Variants in CCDC169 observed in about 807,000 individuals in gnomAD.
CCDC169 encodes coiled-coil domain-containing protein 169.
CCDC169 carries 30 observed loss-of-function variants against 36.0 expected under a neutral mutation model. The ratio of observed to expected loss-of-function variants is 0.83; its 90% CI spans 0.62 to 1.13. The LOEUF is 1.13. CCDC169 is among the 50% of genes most tolerant of loss of function. The probability of loss-of-function intolerance (pLI) is 0.00; values close to 1 mark genes in which losing one functional copy is unlikely to be tolerated. For synonymous variants in CCDC169, 85 were observed against 81.5 expected (o/e 1.04, Z -0.23); for missense variants, 245 against 245.9 (o/e 1.00, Z 0.03).
chr13:36,285,175 G>A (rs1416329758), intron 2 of CCDC169, among the ~76,000 whole-genome samples: 1 of 152,126 alleles, frequency 6.6e-6, no homozygotes, highest in Non-Finnish European at 1.5e-5. Context: ...GCACATCTGA[G>A]TACAGTTTAT....
At chr13:36,249,738 A>G (rs1872917785) in intron 6 of CCDC169, among the ~76,000 whole-genome samples, 1 of 123,100 alleles carries the variant, frequency 8.1e-6, no homozygotes, top group Non-Finnish European at 1.9e-5. Context: ...GCGAAGGGAT[A>G]TTATTAAGTA....
chr13:36,264,597 T>A (rs969801479), intron 4 of CCDC169, among the ~76,000 whole-genome samples: 9 of 152,122 alleles, frequency 5.9e-5, no homozygotes, highest in Admixed American at 5.2e-4. Context: ...ACAGAGGATG[T>A]TTTCTGTTAC....
chr13:36,265,962 C>T (rs898928969), intron 4 of CCDC169, among the ~76,000 whole-genome samples: 1 of 152,070 alleles, frequency 6.6e-6, no homozygotes, highest in Non-Finnish European at 1.5e-5. Context: ...TAGTTATTTC[C>T]GTTTCCTCAG....
intron 1 of CCDC169, 64 bp downstream of exon 1, chr13:36,297,573 A>T: frequency 6.8e-7 from 1 of 1,478,468 alleles, no homozygotes; most frequent in Non-Finnish European, 9.2e-7. Context: ...CAGCCCTGAG[A>T]CTCTGCAGGT....
At chr13:36,235,831 AAATCAACTGT>A (rs1658850593) in intron 7 of CCDC169, among the ~76,000 whole-genome samples, 1 of 144,976 alleles carries the variant, frequency 6.9e-6, no homozygotes, top group Non-Finnish European at 1.6e-5. Context: ...CAATATGCAA[AAATCAACTGT>A]ATTTCTAGAC....
chr13:36,232,645 AAAAG>A (rs1870562093), intron 7 of CCDC169, among the ~76,000 whole-genome samples: 1 of 59,802 alleles, frequency 1.7e-5, no homozygotes, highest in East Asian at 4.7e-4. Flanking sequence ...AGAATACAAA[AAAAG>A]ATGAGCCGAG....
intron 4 of CCDC169, among the ~76,000 whole-genome samples, chr13:36,258,338 A>G (rs1874176907): frequency 1.3e-5 from 2 of 152,128 alleles, no homozygotes; most frequent in African/African-American, 4.8e-5. Context: ...CATCTTGAAT[A>G]GAGGCTAGGT....
intron 4 of CCDC169, 102 bp from the exon 5 acceptor site, chr13:36,254,245 T>A: frequency 1.3e-6 from 1 of 743,700 alleles, no homozygotes; most frequent in Non-Finnish European, 2.0e-6. Context: ...ATACCTAATA[T>A]TTTGTGATTT....
At chr13:36,275,069 C>A (rs894666350) in intron 4 of CCDC169, among the ~76,000 whole-genome samples, 1 of 151,962 alleles carries the variant, frequency 6.6e-6, no homozygotes, top group Non-Finnish European at 1.5e-5. Context: ...GGGGTTTCAC[C>A]GTGTTAGCCA....
chr13:36,294,136 G>C (rs1879214511), intron 2 of CCDC169, among the ~76,000 whole-genome samples: 1 of 152,058 alleles, frequency 6.6e-6, no homozygotes, highest in African/African-American at 2.4e-5. Context: ...CTTCACCTTA[G>C]GCCTTACTTT....
At chr13:36,250,321 AG>A (rs1426452767) in intron 6 of CCDC169, among the ~76,000 whole-genome samples, 1 of 152,336 alleles carries the variant, frequency 6.6e-6, no homozygotes, top group East Asian at 1.9e-4. Context: ...CTGCAGAGAC[AG>A]GAACAGCCAA....
intron 7 of CCDC169, among the ~76,000 whole-genome samples, chr13:36,240,312 T>C (rs896218716): frequency 7.9e-5 from 12 of 152,024 alleles, no homozygotes; most frequent in Non-Finnish European, 1.5e-4. Flanking sequence ...ATATAAAACC[T>C]AAGAGGCATA....
chr13:36,285,142 A>C (rs892433172), intron 2 of CCDC169, among the ~76,000 whole-genome samples: 1 of 152,208 alleles, frequency 6.6e-6, no homozygotes, highest in Non-Finnish European at 1.5e-5. Flanking sequence ...TTACCAAAAA[A>C]TTAAAAATGC....
chr13:36,224,556 C>G (rs976688177), downstream of CCDC169: 1 of 151,942 alleles, frequency 6.6e-6, no homozygotes, highest in Non-Finnish European at 1.5e-5. Flanking sequence ...CAAAGACATA[C>G]ACAAAAACCC....
rs67328439 is a variant in CCDC169 at position 36,231,152 on chromosome 13, G to GA, written c.*40dup. ...CTTTATAACTTGAATATTATAAATG[G>GA]AAAAAAAAAGGAAGAAATAGAAATC... On this transcript the variant is annotated 3_prime_UTR_variant, in exon 8 of 8. Transcript: ENST00000239859. 6.1e-5 allele frequency: 93 copies of GA among 1,524,528 alleles called. No individual in the cohort carries two copies. The highest frequency in any genetic ancestry group is 2.3e-4 in the South Asian group (18 of 79,446). The allele number at this position is 1,524,528 out of a possible 1,614,324, so 94.4% of individuals were successfully genotyped here.
intron 7 of CCDC169, among the ~76,000 whole-genome samples, chr13:36,239,768 C>A (rs1252785980): frequency 6.6e-6 from 1 of 152,086 alleles, no homozygotes; most frequent in Non-Finnish European, 1.5e-5. Flanking sequence ...ATTGGTCTAT[C>A]TGCTCCAAAG....
intron 7 of CCDC169, chr13:36,240,480 T>C (rs1451332974): frequency 3.2e-5 from 12 of 371,522 alleles, no homozygotes; most frequent in Non-Finnish European, 5.4e-5. Flanking sequence ...TCTTTTAATG[T>C]TGGATATTTT....
intron 2 of CCDC169, among the ~76,000 whole-genome samples, chr13:36,284,844 C>A (rs1473516055): frequency 6.6e-6 from 1 of 152,192 alleles, no homozygotes; most frequent in Non-Finnish European, 1.5e-5. Flanking sequence ...TACCAACCTC[C>A]TCAGCCCTGA....
intron 7 of CCDC169, chr13:36,244,449 T>A (rs1440656551): frequency 6.6e-6 from 1 of 152,190 alleles, no homozygotes; most frequent in African/African-American, 2.4e-5. Context: ...CTTCATGTAC[T>A]GTCATACCTG....
Sources: allele counts gnomAD v4.1 joint callset (sites outside exome capture counted in the v4.1 genomes callset), GRCh38; gene constraint gnomAD v4.1.1; transcripts MANE v1.5; gene names NCBI Gene and HGNC (gene_info 2026-07-23, HGNC 2026-07-21).